The following MICAL3 variants were observed in gnomAD, a reference collection of about 807,000 sequenced individuals.
The protein encoded by MICAL3 is [F-actin]-monooxygenase MICAL3.
Under a neutral mutation model 207.4 loss-of-function variants are expected in MICAL3, and 62 were observed. That is an observed-to-expected ratio of 0.30 (90% CI 0.24 to 0.37). MICAL3 has a LOEUF of 0.37. MICAL3 is among the 10% of genes least tolerant of loss of function. The probability of loss-of-function intolerance (pLI) is 1.00; values close to 1 mark genes in which losing one functional copy is unlikely to be tolerated. For missense variants in MICAL3, 2,368 were observed against 2,635.6 expected, an observed-to-expected ratio of 0.90 and a Z score of 2.22; for synonymous variants, 1,077 against 1,069.3, an observed-to-expected ratio of 1.01 and a Z score of -0.14.
In MICAL3 at chr22:17,788,412, G is replaced by A. The variant is rs891571932; in HGVS notation, c.*2320C>T. ...CTGGCCACTTACAGCAGATCCCTAG[G>A]CCACACTCCTTCCAAGCCACTTTGC... On this transcript the variant is annotated 3_prime_UTR_variant, in exon 32 of 32. Coordinates refer to ENST00000441493, the MANE Select transcript of MICAL3 (RefSeq NM_015241.3). 9 of 152,432 alleles carry A rather than the reference G, an allele frequency of 5.9e-5. No homozygotes were observed. The highest frequency in any genetic ancestry group is 2.1e-4 in the South Asian group (1 of 4,832). 9.4% of individuals were successfully genotyped at this position (152,432 alleles called of 1,614,324 possible).
intron 19 of MICAL3, chr22:17,858,382 G>T: frequency 2.6e-6 from 2 of 754,962 alleles, no homozygotes; most frequent in Non-Finnish European, 3.2e-6. Context: ...GAGGCGCTTG[G>T]CTGGGTGAGC....
Position 17,817,367 on chromosome 22 carries a change from G to A in MICAL3, c.5294C>T (p.Ser1765Phe), listed in dbSNP as rs1569077336. The change falls in exon 26 of 32, where the codon TCC becomes TTC. Residue 1765 changes from serine to phenylalanine, a missense_variant. Transcript: ENST00000441493. ...ADDKSCPSTPSSGATVDSGKH... is the reference protein window; with the variant it reads ...ADDKSCPSTPFSGATVDSGKH... ...TCCAGAGTCCACCGTGGCCCCGCTG[G>A]AGGGGGTGCTGGGGCAGGACTTGTC... 6.2e-7 allele frequency: 1 copy of A among 1,611,966 alleles called. No homozygotes were observed. Among genetic ancestry groups the A allele is most frequent in the African/African-American group, 1.3e-5 (1 of 74,916 alleles).
chr22:17,835,377 G>T (rs1014110184), intron 20 of MICAL3, among the ~76,000 whole-genome samples: 9 of 152,228 alleles, frequency 5.9e-5, no homozygotes, highest in African/African-American at 2.2e-4. Flanking sequence ...CTCTCTTCAT[G>T]AAGGACACAG....
At chr22:17,938,283 C>T (rs1160221581) in intron 1 of MICAL3, among the ~76,000 whole-genome samples, 2 of 152,198 alleles carry the variant, frequency 1.3e-5, no homozygotes, top group Non-Finnish European at 2.9e-5. Flanking sequence ...CCACAAAGAA[C>T]TCACAGGTGT....
In MICAL3 at chr22:17,831,960, G is replaced by C; in HGVS notation, c.2949C>G (p.Ala983=). The C allele has an allele frequency of 6.3e-7, 1 of 1,587,308 alleles. No individual in the cohort carries two copies. Among genetic ancestry groups the C allele is most frequent in the Non-Finnish European group, 8.6e-7 (1 of 1,166,988 alleles). The part of the protein sequence containing the change: ...LKGKSEEELE[A]SKSFGPGNEE... Reference sequence around the variant, plus strand: ...CATTCCCAGGCCCAAAGCTCTTTGAGGCCTCTAGCTCCTCTTCACTTTTCC... The same window carrying C: ...CATTCCCAGGCCCAAAGCTCTTTGACGCCTCTAGCTCCTCTTCACTTTTCC... Residue 983 remains alanine, a synonymous_variant, in exon 21 of 32, where the codon GCC becomes GCG. Transcript: ENST00000441493.
At chr22:17,803,421 G>C (rs942429443) in intron 29 of MICAL3, 3 of 152,038 alleles carry the variant, frequency 2.0e-5, no homozygotes, top group Non-Finnish European at 2.9e-5. Context: ...GCTTCTTTGC[G>C]TAAGTGTGGC....
chr22:18,002,581 C>G (rs1283708926), intron 1 of MICAL3, among the ~76,000 whole-genome samples: 2 of 152,124 alleles, frequency 1.3e-5, no homozygotes, highest in East Asian at 3.9e-4. Flanking sequence ...TGAACTGAGC[C>G]CAGATCGTGC....
At chr22:17,913,975 T>C (rs1932308715) in intron 1 of MICAL3, among the ~76,000 whole-genome samples, 1 of 152,152 alleles carries the variant, frequency 6.6e-6, no homozygotes, top group African/African-American at 2.4e-5. Context: ...AGTCTCCTCA[T>C]CTGTAAAATG....
intron 1 of MICAL3, among the ~76,000 whole-genome samples, chr22:17,946,579 A>G (rs73388471): frequency 0.027 from 4,166 of 152,284 alleles, 213 homozygotes; most frequent in African/African-American, 0.096. Flanking sequence ...TTAGCGCCAC[A>G]CACATGCAGA....
chr22:17,951,446 G>A (rs1438913703), intron 1 of MICAL3, among the ~76,000 whole-genome samples: 1 of 151,496 alleles, frequency 6.6e-6, no homozygotes, highest in Non-Finnish European at 1.5e-5. Flanking sequence ...AGAGATAAGA[G>A]CCCCTGTGTG....
At chr22:17,906,946 G>T in intron 1 of MICAL3, 60 bp from the exon 2 acceptor site, 1 of 881,312 alleles carries the variant, frequency 1.1e-6, no homozygotes, top group Non-Finnish European at 1.7e-6. Context: ...TTCTCCAGGA[G>T]ACATATTCCT....
chr22:17,844,586 CAAG>C (rs1051394461), intron 19 of MICAL3, among the ~76,000 whole-genome samples: 18 of 152,204 alleles, frequency 1.2e-4, no homozygotes, highest in Non-Finnish European at 7.3e-5. Context: ...ACTAACAAAG[CAAG>C]ATCCAGTGGC....
At chr22:17,885,222 G>A (rs12169892) in intron 16 of MICAL3, among the ~76,000 whole-genome samples, 24,046 of 151,984 alleles carry the variant, frequency 0.16, 2,356 homozygotes, top group African/African-American at 0.26. Flanking sequence ...AAAATATCCC[G>A]GGAAACAGCT....
At chr22:17,985,273 C>G (rs950790505) in intron 1 of MICAL3, among the ~76,000 whole-genome samples, 7 of 151,704 alleles carry the variant, frequency 4.6e-5, no homozygotes, top group African/African-American at 1.7e-4. Flanking sequence ...GAGCGTGCTG[C>G]GTGCCCGATT....
At chr22:17,816,805 C>T (rs370190427) in intron 26 of MICAL3, 21 bp from the exon 27 acceptor site, 32 of 1,534,250 alleles carry the variant, frequency 2.1e-5, no homozygotes, top group African/African-American at 1.1e-4. Context: ...AGGGAGGCCA[C>T]GTGAGGACAG....
intron 19 of MICAL3, chr22:17,864,231 C>T: frequency 2.0e-6 from 2 of 1,024,664 alleles, no homozygotes; most frequent in Non-Finnish European, 2.3e-6. Context: ...CTGTTCACCT[C>T]CCAACACAAG....
At chr22:18,001,869 A>C (rs1415854301) in intron 1 of MICAL3, among the ~76,000 whole-genome samples, 5 of 152,296 alleles carry the variant, frequency 3.3e-5, no homozygotes, top group African/African-American at 7.2e-5. Flanking sequence ...GGCATATCAA[A>C]GCCTGCCCCC....
At chr22:17,893,682 T>G (rs563593595) in intron 11 of MICAL3, 126 bp downstream of exon 11, 1 of 688,988 alleles carries the variant, frequency 1.5e-6, no homozygotes, top group East Asian at 2.7e-5. Flanking sequence ...TCACCCTGGG[T>G]TGAGAGCCAC....
intron 7 of MICAL3, 113 bp downstream of exon 7, chr22:17,899,335 C>G: frequency 2.7e-6 from 2 of 745,016 alleles, no homozygotes; most frequent in Non-Finnish European, 4.9e-6. Context: ...CCAGAAGATG[C>G]ATTCAGTGCT....
Sources: gnomAD v4.1 joint callset for allele counts (sites outside exome capture counted in the v4.1 genomes callset) on GRCh38, gnomAD v4.1.1 for gene constraint, MANE v1.5 for transcripts, NCBI Gene and HGNC (gene_info 2026-07-23, HGNC 2026-07-21) for gene names.